SNX29: variants seen among roughly 807,000 people sequenced by gnomAD.
SNX29 encodes the protein sorting nexin 29.
In SNX29, 78 loss-of-function variants were observed where a neutral mutation model predicts 102.1. The observed-to-expected ratio is 0.76, with a 90% CI of 0.64 to 0.92. SNX29 has a LOEUF of 0.92. SNX29 is among the 40% of genes least tolerant of loss of function. SNX29 has a pLI of 0.00. For synonymous variants in SNX29, 580 were observed against 414.5 expected (o/e 1.40, Z -4.85); for missense variants, 1,280 against 1,061.7 (o/e 1.21, Z -2.86).
intron 15 of SNX29, among the ~76,000 whole-genome samples, chr16:12,296,836 C>T (rs1476321690): frequency 6.6e-6 from 1 of 152,228 alleles, no homozygotes. Context: ...TAAAGCGAGG[C>T]CCACCTAGGT....
rs1810866874 is a variant in SNX29 at position 12,403,506 on chromosome 16, G to T, written c.2014G>T (p.Ala672Ser). ...CTCAGTGTTTCTCCGGGGCAAAGCAGCAAATGCATTCCACGTGTATCAGGT... is the reference window on the plus strand; with the variant it reads ...CTCAGTGTTTCTCCGGGGCAAAGCATCAAATGCATTCCACGTGTATCAGGT... ...IPSVFLRGKA[A>S]NAFHVYQVYI... Residue 672 changes from alanine to serine, a missense_variant, in exon 18 of 21, where the codon GCA (alanine) becomes TCA (serine). Transcript: ENST00000566228. 8 of 1,607,712 alleles carry T rather than the reference G, an allele frequency of 5.0e-6. No individual in the cohort carries two copies. Among genetic ancestry groups the T allele is most frequent in the Non-Finnish European group, 6.8e-6 (8 of 1,177,108 alleles).
intron 3 of SNX29, among the ~76,000 whole-genome samples, chr16:12,003,379 G>C (rs1330723883): frequency 6.6e-6 from 1 of 152,108 alleles, no homozygotes; most frequent in Non-Finnish European, 1.5e-5. Context: ...CCAAGATTTG[G>C]GAAATGGTTA....
chr16:12,456,613 T>C (rs1338669064), intron 18 of SNX29, among the ~76,000 whole-genome samples: 2 of 152,010 alleles, frequency 1.3e-5, no homozygotes, highest in East Asian at 3.9e-4. Context: ...AGTGTGTGCA[T>C]GGATGAGCAT....
At chr16:12,504,216 C>G (rs1476039816) in intron 19 of SNX29, among the ~76,000 whole-genome samples, 1 of 152,166 alleles carries the variant, frequency 6.6e-6, no homozygotes, top group Non-Finnish European at 1.5e-5. Flanking sequence ...CCTGTTATAG[C>G]ACATAACGGA....
At chr16:12,236,860 C>T (rs1407767208) in intron 14 of SNX29, among the ~76,000 whole-genome samples, 1 of 152,196 alleles carries the variant, frequency 6.6e-6, no homozygotes, top group African/African-American at 2.4e-5. Flanking sequence ...ATGCTTTGTA[C>T]CTTCTTCCTG....
At chr16:12,539,356 C>G (rs1399169120) in intron 20 of SNX29, among the ~76,000 whole-genome samples, 2 of 151,874 alleles carry the variant, frequency 1.3e-5, no homozygotes, top group Admixed American at 6.6e-5. Context: ...TGGAATCATA[C>G]TGTAAGCAAC....
Position 12,419,101 on chromosome 16 carries a change from G to A in SNX29, c.2037+15572G>A, listed in dbSNP as rs181469990. On this transcript the variant is annotated intron_variant, in intron 18 of 20. Transcript: ENST00000566228. ...ATCCCAAAATGTCTACAGCGCCACC[G>A]TTGAGAAACCCTTGTCTCTAGTCAA... Among the ~76,000 whole-genome samples the A allele has an allele frequency of 1.2e-4, 19 of 152,270 alleles. No individual in the cohort carries two copies. The South Asian group carries it at 3.1e-3, about 25-fold the overall frequency.
chr16:11,976,852 C>T, intron 1 of SNX29, 39 bp downstream of exon 1: 6 of 1,338,514 alleles, frequency 4.5e-6, no homozygotes, highest in South Asian at 1.9e-5. Flanking sequence ...GCCCCGGCCG[C>T]CCCGGCTCCC....
In SNX29 at chr16:12,162,293, G is replaced by A. The variant is rs576615354; in HGVS notation, c.1595+32535G>A. On this transcript the variant is annotated intron_variant, in intron 13 of 20. Coordinates refer to ENST00000566228, the MANE Select transcript of SNX29 (RefSeq NM_032167.5). The stretch of plus-strand genomic sequence containing the variant: ...CTCTCATCGTCCATCCTAGTACCAT[G>A]CGTCATTTTCTTTATATCACTTTGA... Among the ~76,000 whole-genome samples, 27 of 152,282 alleles carry A rather than the reference G, an allele frequency of 1.8e-4. No individual in the cohort carries two copies. In the South Asian group the frequency reaches 5.4e-3, roughly 30 times the overall value.
chr16:12,308,876 C>T (rs1012865694), intron 15 of SNX29, among the ~76,000 whole-genome samples: 2 of 152,048 alleles, frequency 1.3e-5, no homozygotes, highest in African/African-American at 2.4e-5. Flanking sequence ...TCCGTTATAT[C>T]GAAAAGTGCT....
At chr16:12,435,787 T>A (rs928657339) in intron 18 of SNX29, among the ~76,000 whole-genome samples, 1 of 152,172 alleles carries the variant, frequency 6.6e-6, no homozygotes, top group Non-Finnish European at 1.5e-5. Flanking sequence ...AGCCACTCCA[T>A]GGTGAGGATG....
In SNX29 at chr16:12,573,976, C is replaced by T. The variant is rs569459592; in HGVS notation, c.*5347C>T. On this transcript the variant is annotated 3_prime_UTR_variant, in exon 21 of 21. Coordinates refer to ENST00000566228, the MANE Select transcript of SNX29 (RefSeq NM_032167.5). ...GAGCGATGGTAACCCCACTAGGGGG[C>T]GCCCATGATCGGCTCCCAGTGCACC... is the stretch of plus-strand genomic sequence containing the variant. The T allele has an allele frequency of 2.5e-4, 49 of 198,502 alleles. No individual in the cohort carries two copies. Among genetic ancestry groups the T allele is most frequent in the Admixed American group, 2.2e-3 (36 of 16,556 alleles). 12.3% of individuals were successfully genotyped at this position (198,502 alleles called of 1,614,324 possible). A position where few individuals can be genotyped will look rare whatever the true frequency, so the allele number is the denominator to read the frequency against.
At chr16:12,311,130 C>G (rs1026659174) in intron 15 of SNX29, among the ~76,000 whole-genome samples, 1 of 152,200 alleles carries the variant, frequency 6.6e-6, no homozygotes, top group South Asian at 2.1e-4. Context: ...GGCAGAGCTG[C>G]ATTGCTAAAA....
At chr16:12,503,077 A>T (rs1488529607) in intron 19 of SNX29, among the ~76,000 whole-genome samples, 1 of 152,172 alleles carries the variant, frequency 6.6e-6, no homozygotes, top group Admixed American at 6.5e-5. Context: ...AGGCTTCATT[A>T]CAGCCACAGG....
chr16:11,998,687 G>C (rs539259107), intron 1 of SNX29, among the ~76,000 whole-genome samples: 1 of 152,296 alleles, frequency 6.6e-6, no homozygotes, highest in South Asian at 2.1e-4. Flanking sequence ...CTTTCTATCA[G>C]AAATGAATGA....
At chr16:11,979,434 G>A (rs867037038) in intron 1 of SNX29, among the ~76,000 whole-genome samples, 6 of 152,254 alleles carry the variant, frequency 3.9e-5, no homozygotes, top group Middle Eastern at 6.8e-3. Flanking sequence ...GGAAGGGGAA[G>A]TCCAACGATA....
chr16:12,098,537 C>T lies in SNX29; in HGVS notation c.1402+19622C>T, dbSNP rs971978628. Reference sequence around the variant, plus strand: ...GCTGCTTCCAGGTGTCTGTACACACCGTCGGTTTCATGTGCGCAGACGATT... The same window carrying T: ...GCTGCTTCCAGGTGTCTGTACACACTGTCGGTTTCATGTGCGCAGACGATT... On this transcript the variant is annotated intron_variant, in intron 11 of 20. Coordinates refer to ENST00000566228, the MANE Select transcript of SNX29 (RefSeq NM_032167.5). The surrounding 1 kb of genome is among the most constrained non-coding windows in gnomAD (Gnocchi z 6.0). 5.3e-5 allele frequency among the ~76,000 whole-genome samples: 8 copies of T among 152,188 alleles called. No individual in the cohort carries two copies. Among genetic ancestry groups the T allele is most frequent in the African/African-American group, 1.4e-4 (6 of 41,434 alleles).
intron 16 of SNX29, among the ~76,000 whole-genome samples, chr16:12,380,282 C>T (rs916598314): frequency 6.7e-6 from 1 of 148,618 alleles, no homozygotes; most frequent in African/African-American, 2.6e-5. Flanking sequence ...CCAGACTGTT[C>T]TCATCTACCC....
At chr16:12,103,757 C>A (rs2053116600) in intron 11 of SNX29, among the ~76,000 whole-genome samples, 1 of 152,190 alleles carries the variant, frequency 6.6e-6, no homozygotes, top group Non-Finnish European at 1.5e-5. Flanking sequence ...GAACAGGCAA[C>A]CCACAGAATG....
Sources: gnomAD v4.1 joint callset for allele counts (sites outside exome capture counted in the v4.1 genomes callset) on GRCh38, gnomAD v4.1.1 for gene constraint, Gnocchi (gnomAD v3.1) non-coding constraint, MANE v1.5 for transcripts, NCBI Gene and HGNC (gene_info 2026-07-23, HGNC 2026-07-21) for gene names.